AARS1: variants seen among roughly 807,000 people sequenced by gnomAD.
The protein encoded by AARS1 is alanyl-tRNA synthetase 1.
In AARS1, 72 loss-of-function variants were observed where a neutral mutation model predicts 108.9. The ratio of observed to expected loss-of-function variants is 0.66; its 90% confidence interval spans 0.55 to 0.80. The LOEUF (loss-of-function observed/expected upper bound fraction) is 0.80. AARS1 is among the 30% of genes least tolerant of loss of function. The probability of loss-of-function intolerance (pLI) is 0.00; values close to 1 mark genes in which losing one functional copy is unlikely to be tolerated. For synonymous variants in AARS1, 489 were observed against 465.7 expected, an observed-to-expected ratio of 1.05 and a Z score of -0.64; for missense variants, 1,193 against 1,233.2, an observed-to-expected ratio of 0.97 and a Z score of 0.49.
At chr16:70,283,239 A>T (rs909254065) in intron 1 of AARS1, among the ~76,000 whole-genome samples, 2 of 152,082 alleles carry the variant, frequency 1.3e-5, no homozygotes, top group African/African-American at 4.8e-5. Context: ...TCTACTAAAA[A>T]TACAAAAAGT....
At chr16:70,258,890 T>C in intron 14 of AARS1, 90 bp downstream of exon 14, 2 of 1,410,612 alleles carry the variant, frequency 1.4e-6, no homozygotes, top group African/African-American at 1.4e-5. Context: ...ACGAATCTGA[T>C]ACAACAGAGT....
At position 70,274,492 on chromosome 16, in the gene AARS1, G is replaced by A. The variant is rs529386566; in HGVS notation, c.479+1994C>T. ...TGTAATCCCAGCACTTTGGGAGGCC[G>A]AGGCGTGTGGATCACCAGGTCAGGA... On this transcript the variant is annotated intron_variant, in intron 4 of 20. Coordinates refer to ENST00000261772, the MANE Select transcript of AARS1 (RefSeq NM_001605.3). 1.8e-4 allele frequency among the ~76,000 whole-genome samples: 27 copies of A among 151,466 alleles called. 1 individual carries two copies. Among genetic ancestry groups the A allele is most frequent in the African/African-American group, 5.8e-4 (24 of 41,286 alleles).
intron 14 of AARS1, 97 bp downstream of exon 14, chr16:70,258,883 A>T (rs1278126028): frequency 2.2e-6 from 3 of 1,379,548 alleles, no homozygotes; most frequent in East Asian, 4.6e-5. Flanking sequence ...GTGCAGGACG[A>T]ATCTGATACA....
intron 14 of AARS1, 100 bp from the exon 15 acceptor site, chr16:70,258,317 A>C: frequency 7.2e-7 from 1 of 1,390,838 alleles, no homozygotes; most frequent in South Asian, 1.2e-5. Flanking sequence ...CTCGGGTTCC[A>C]ACCTGGCTTG....
chr16:70,276,291 G>T lies in AARS1; in HGVS notation c.479+195C>A, dbSNP rs148174726. 2,281 of 592,272 alleles carry T rather than the reference G, an allele frequency of 3.9e-3. 36 individuals carry two copies. Among genetic ancestry groups the T allele is most frequent in the African/African-American group, 0.038 (2,029 of 54,106 alleles). 36.7% of individuals were successfully genotyped at this position (592,272 alleles called of 1,614,324 possible). On this transcript the variant is annotated intron_variant, in intron 4 of 20. Transcript: ENST00000261772. ...ACTCTGTCGCCCAGGCTGGAGTGCA[G>T]TGGAGTGATCTCAGGTCACTGCAAC...
intron 2 of AARS1, among the ~76,000 whole-genome samples, chr16:70,278,044 C>A (rs573252592): frequency 6.6e-6 from 1 of 151,772 alleles, no homozygotes; most frequent in Non-Finnish European, 1.5e-5. Flanking sequence ...TGAATGACTG[C>A]GCCAGGTCTT....
chr16:70,255,173 G>A (rs1022033416), intron 16 of AARS1, among the ~76,000 whole-genome samples: 9 of 151,796 alleles, frequency 5.9e-5, no homozygotes, highest in Non-Finnish European at 1.0e-4. Flanking sequence ...GAGACAGGAG[G>A]GGGTAGATGG....
rs2152160758 is a variant in AARS1 at position 70,268,365 on chromosome 16, C to G, written c.977G>C (p.Arg326Pro). The stretch of plus-strand genomic sequence containing the variant: ...GTATCGGACAGCTCGGCGGAGAATC[C>G]GTCTCAACACATATCTGTAAGAGGC... ...DNTGRGYVLRRILRRAVRYAH... is the reference protein window; with the variant it reads ...DNTGRGYVLRPILRRAVRYAH... Residue 326 changes from arginine to proline, a missense_variant, in exon 8 of 21, where the codon CGG (arginine) becomes CCG (proline). Arg to Pro is a moderately radical substitution (Grantham distance 103). Transcript: ENST00000261772. 4 of 1,614,090 alleles carry G rather than the reference C, an allele frequency of 2.5e-6. No individual in the cohort carries two copies. Among genetic ancestry groups the G allele is most frequent in the Non-Finnish European group, 3.4e-6 (4 of 1,179,974 alleles).
intron 16 of AARS1, 110 bp from the exon 17 acceptor site, chr16:70,254,844 C>T: frequency 1.4e-6 from 1 of 724,252 alleles, no homozygotes; most frequent in South Asian, 1.5e-5. Context: ...GCAACATACC[C>T]CAACACCCCA....
At chr16:70,259,218 C>G (rs373438232) in intron 13 of AARS1, 32 bp from the exon 14 acceptor site, 12 of 1,589,822 alleles carry the variant, frequency 7.5e-6, no homozygotes, top group Non-Finnish European at 1.0e-5. Context: ...ATGGAGAGGT[C>G]TGTAATAGAC....
At chr16:70,271,698 G>C in intron 5 of AARS1, 83 bp downstream of exon 5, 1 of 1,373,276 alleles carries the variant, frequency 7.3e-7, no homozygotes, top group Non-Finnish European at 1.0e-6. Flanking sequence ...TGAGCTTTTA[G>C]CTGAGAAGAG....
chr16:70,270,364 G>T, intron 5 of AARS1, 24 bp from the exon 6 acceptor site: 1 of 1,614,110 alleles, frequency 6.2e-7, no homozygotes, highest in South Asian at 1.1e-5. Flanking sequence ...AAGAAGAGGA[G>T]GTTGAAGCAG....
chr16:70,283,337 C>G (rs1157060485), intron 1 of AARS1, among the ~76,000 whole-genome samples: 2 of 151,166 alleles, frequency 1.3e-5, no homozygotes, highest in African/African-American at 4.9e-5. Context: ...GTGGAGGTTG[C>G]AGTGAGCCAA....
intron 11 of AARS1, among the ~76,000 whole-genome samples, chr16:70,264,239 C>G (rs1228086121): frequency 6.6e-6 from 1 of 151,006 alleles, no homozygotes; most frequent in Non-Finnish European, 1.5e-5. Context: ...GAGGGAGATT[C>G]CATCTCAGAA....
Position 70,271,406 on chromosome 16 carries a change from TA to T in AARS1, c.671+374del, listed in dbSNP as rs1231364931. 2.0e-5 allele frequency among the ~76,000 whole-genome samples: 3 copies of T among 149,128 alleles called. No individual in the cohort carries two copies. In the East Asian group the frequency reaches 6.1e-4, roughly 30 times the overall value. The stretch of plus-strand genomic sequence containing the variant: ...AGCCGGGCGTGGTGGCACATGCCTG[TA>T]ATCCCAGCTACTCGGAAGGCTGAGG... On this transcript the variant is annotated intron_variant, in intron 5 of 20. Coordinates refer to ENST00000261772, the MANE Select transcript of AARS1 (RefSeq NM_001605.3).
chr16:70,269,740 A>C lies in AARS1; in HGVS notation c.840T>G (p.Thr280=), dbSNP rs1960352122. Residue 280 remains threonine, a synonymous_variant, in exon 7 of 21, where the codon ACT becomes ACG. Coordinates refer to ENST00000261772, the MANE Select transcript of AARS1 (RefSeq NM_001605.3). Reference sequence around the variant, plus strand: ...CGGCATCCTCAGCACCAACTTTCCCAGTGTATGGTCGGGCACCTGTGCCCT... The same window carrying C: ...CGGCATCCTCAGCACCAACTTTCCCCGTGTATGGTCGGGCACCTGTGCCCT... ...IQKGTGARPY[T]GKVGAEDADG... The C allele has an allele frequency of 1.2e-6, 2 of 1,613,930 alleles. No individual in the cohort carries two copies. Among genetic ancestry groups the C allele is most frequent in the African/African-American group, 2.7e-5 (2 of 74,894 alleles).
intron 19 of AARS1, 33 bp downstream of exon 19, chr16:70,253,681 C>G: frequency 6.2e-7 from 1 of 1,607,462 alleles, no homozygotes. Flanking sequence ...AGCTGATGAG[C>G]CCTAGGGGAG....
Position 70,282,683 on chromosome 16 carries a change from G to A in AARS1, c.81C>T (p.His27=), listed in dbSNP as rs750765656. 6.2e-6 allele frequency: 10 copies of A among 1,614,024 alleles called. No homozygotes were observed. In the East Asian group the frequency reaches 8.9e-5, roughly 14 times the overall value. ...CATCCAATGGGATGGTGGCAGACGAGTGAACATACGTATGCTCGTTCCTCT... is the reference window on the plus strand; with the variant it reads ...CATCCAATGGGATGGTGGCAGACGAATGAACATACGTATGCTCGTTCCTCT... ...FFKRNEHTYV[H]SSATIPLDDP... The change falls in exon 2 of 21, where the codon CAC becomes CAT. Residue 27 remains histidine, a synonymous_variant. Coordinates refer to ENST00000261772, the MANE Select transcript of AARS1 (RefSeq NM_001605.3).
At chr16:70,257,913 C>G in intron 15 of AARS1, 120 bp downstream of exon 15, 2 of 1,096,032 alleles carry the variant, frequency 1.8e-6, no homozygotes, top group Non-Finnish European at 1.4e-6. Flanking sequence ...TATTTAGCAA[C>G]GGCATTTCTG....
Sources: gnomAD v4.1 joint callset for allele counts (sites outside exome capture counted in the v4.1 genomes callset) on GRCh38, gnomAD v4.1.1 for gene constraint, MANE v1.5 for transcripts, NCBI Gene and HGNC (gene_info 2026-07-23, HGNC 2026-07-21) for gene names.